The following PTMA variants were observed in gnomAD, a reference collection of about 807,000 sequenced individuals.
PTMA encodes the protein gene sequence 28.
In PTMA, 4 loss-of-function variants were observed where a neutral mutation model predicts 16.9. That is an observed-to-expected ratio of 0.24 (90% confidence interval 0.12 to 0.54). The LOEUF is 0.54. PTMA is among the 20% of genes least tolerant of loss of function. The pLI is 0.95. For synonymous variants in PTMA, 58 were observed against 47.9 expected (o/e 1.21, Z -0.87); for missense variants, 120 against 137.7 (o/e 0.87, Z 0.64).
chr2:231,711,170 C>G (rs1297654167), intron 1 of PTMA, 178 bp from the exon 2 acceptor site: 1 of 551,504 alleles, frequency 1.8e-6, no homozygotes, highest in Non-Finnish European at 3.2e-6. Flanking sequence ...CCCCGCCGGC[C>G]TTCCTTCCAC....
At chr2:231,709,691 G>A (rs939681223) in intron 1 of PTMA, 1 of 152,834 alleles carries the variant, frequency 6.5e-6, no homozygotes, top group Admixed American at 6.5e-5. Flanking sequence ...TGCGCGGCTG[G>A]TGCGGCTCCG....
chr2:231,709,828 C>G (rs2048493302), intron 1 of PTMA: 1 of 206,932 alleles, frequency 4.8e-6, no homozygotes, highest in Non-Finnish European at 9.6e-6. Context: ...CCGCGCCCGT[C>G]GTGCCCCTGC....
Position 231,708,801 on chromosome 2 carries a change from G to T in PTMA, c.45+50G>T, listed in dbSNP as rs1347556452. 29 of 1,576,828 alleles carry T rather than the reference G, an allele frequency of 1.8e-5. No homozygotes were observed. The Middle Eastern group carries it at 1.1e-3, about 57-fold the overall frequency. ...CTCGGGGTCCGCGCGCCGCCGCTCG[G>T]GCGGTGTTTGGCGCGCAGCAGCTGG... is the stretch of plus-strand genomic sequence containing the variant. On this transcript the variant is annotated intron_variant, in intron 1 of 4. Transcript: ENST00000409115.
At position 231,712,942 on chromosome 2, in the gene PTMA, A is replaced by T; in HGVS notation, c.*91A>T. Reference sequence around the variant, plus strand: ...CCCGTCTCAGAATCTAAACGTGGTCACCTTCGAGTAGAGAGGCCCGCCCGC... The same window carrying T: ...CCCGTCTCAGAATCTAAACGTGGTCTCCTTCGAGTAGAGAGGCCCGCCCGC... On this transcript the variant is annotated 3_prime_UTR_variant, in exon 5 of 5. Coordinates refer to ENST00000409115, the MANE Select transcript of PTMA (RefSeq NM_002823.5). The T allele has an allele frequency of 2.1e-6, 3 of 1,400,562 alleles. No homozygotes were observed. Among genetic ancestry groups the T allele is most frequent in the Non-Finnish European group, 2.9e-6 (3 of 1,031,424 alleles). 86.8% of individuals were successfully genotyped at this position (1,400,562 alleles called of 1,614,324 possible).
intron 1 of PTMA, 191 bp from the exon 2 acceptor site, chr2:231,711,157 G>A: frequency 1.9e-6 from 1 of 520,696 alleles, no homozygotes; most frequent in Non-Finnish European, 3.4e-6. Flanking sequence ...GATCACAGAT[G>A]CCCCCCGCCG....
At position 231,711,883 on chromosome 2, in the gene PTMA, CGAG is replaced by C; in HGVS notation, c.118-3_118-1del. On this transcript the variant is annotated splice_polypyrimidine_tract_variant and splice_region_variant and intron_variant, in intron 2 of 4. Coordinates refer to ENST00000409115, the MANE Select transcript of PTMA (RefSeq NM_002823.5). Reference sequence around the variant, plus strand: ...GGTAATGACATGGCCTGTTTTCTGTCGAGGAGAATGAGGAAAATGGGGAGCAGG... The same window carrying C: ...GGTAATGACATGGCCTGTTTTCTGTCGAGAATGAGGAAAATGGGGAGCAGG... The C allele has an allele frequency of 4.3e-6, 7 of 1,612,016 alleles. No homozygotes were observed. Among genetic ancestry groups the C allele is most frequent in the East Asian group, 2.2e-5 (1 of 44,826 alleles).
At chr2:231,711,787 A>C in intron 2 of PTMA, 103 bp from the exon 3 acceptor site, 3 of 1,549,220 alleles carry the variant, frequency 1.9e-6, no homozygotes, top group Non-Finnish European at 2.6e-6. Context: ...GCTGGGCTGT[A>C]GATGCAGCCG....
chr2:231,711,640 G>A (rs1322193123), intron 2 of PTMA: 22 of 741,100 alleles, frequency 3.0e-5, no homozygotes, highest in Admixed American at 1.8e-4. Flanking sequence ...AGGTTCAGAG[G>A]AGACTCCGGT....
intron 4 of PTMA, 81 bp from the exon 5 acceptor site, chr2:231,712,723 C>A: frequency 1.3e-6 from 2 of 1,509,786 alleles, no homozygotes; most frequent in Non-Finnish European, 9.0e-7. Context: ...CTGGTTCTTG[C>A]TCTGCCAGCA....
chr2:231,712,711 C>A (rs75345231), intron 4 of PTMA, 93 bp from the exon 5 acceptor site: 8 of 1,464,796 alleles, frequency 5.5e-6, no homozygotes, highest in Middle Eastern at 3.4e-4. Context: ...AGCTGGGGGT[C>A]CCTGGTTCTT....
chr2:231,711,144 CT>C (rs34331739), intron 1 of PTMA: 38,865 of 498,296 alleles, frequency 0.078, 6,476 homozygotes, highest in African/African-American at 0.48. Flanking sequence ...GATGGGAAAC[CT>C]TGATCACAGA....
intron 1 of PTMA, chr2:231,711,127 C>A: frequency 2.2e-6 from 1 of 444,856 alleles, no homozygotes; most frequent in Non-Finnish European, 4.0e-6. Context: ...TGTAGCGGGC[C>A]TTAAAGGATG....
intron 1 of PTMA, chr2:231,710,354 T>TGCCGAGGCCCGCGCGCAAAGCCC: frequency 1.7e-6 from 2 of 1,208,060 alleles, no homozygotes; most frequent in Non-Finnish European, 2.1e-6. Flanking sequence ...GCGCGGTGCG[T>TGCCGAGGCCCGCGCGCAAAGCCC]GCCGAGGCCC....
At chr2:231,710,063 A>T in intron 1 of PTMA, 1 of 1,227,408 alleles carries the variant, frequency 8.1e-7, no homozygotes, top group Admixed American at 4.3e-5. Flanking sequence ...AAGCACCAAA[A>T]GGTGACTTCC....
intron 4 of PTMA, 86 bp downstream of exon 4, chr2:231,712,602 C>T (rs756822518): frequency 6.9e-7 from 1 of 1,456,016 alleles, no homozygotes. Flanking sequence ...TGCGGAGGGA[C>T]TGTTTCTGAC....
At chr2:231,710,583 C>T in intron 1 of PTMA, 1 of 519,590 alleles carries the variant, frequency 1.9e-6, no homozygotes, top group Middle Eastern at 3.2e-4. Flanking sequence ...CGCCGGACCT[C>T]TGTTGGTATT....
At chr2:231,711,061 T>G in intron 1 of PTMA, 1 of 320,984 alleles carries the variant, frequency 3.1e-6, no homozygotes, top group South Asian at 4.0e-5. Context: ...TGGCGCCACA[T>G]GGCTCCTTTT....
chr2:231,711,604 C>T (rs547759821), intron 2 of PTMA, 185 bp downstream of exon 2: 66 of 740,460 alleles, frequency 8.9e-5, no homozygotes, highest in South Asian at 2.1e-4. Context: ...TTATAAAAAC[C>T]TTTCGAGCAG....
At chr2:231,711,648 G>A (rs781260750) in intron 2 of PTMA, 7 of 756,732 alleles carry the variant, frequency 9.3e-6, no homozygotes, top group Non-Finnish European at 1.5e-5. Flanking sequence ...AGGAGACTCC[G>A]GTAGTCTGAG....
Sources: allele counts gnomAD v4.1 joint callset, GRCh38; gene constraint gnomAD v4.1.1; transcripts MANE v1.5; gene names NCBI Gene and HGNC (gene_info 2026-07-23, HGNC 2026-07-21).